The following PICALM variants were observed in gnomAD, a reference collection of about 807,000 sequenced individuals.
PICALM encodes phosphatidylinositol binding clathrin assembly protein, also known as phosphatidylinositol-binding clathrin assembly protein.
Under a neutral mutation model 80.5 loss-of-function variants are expected in PICALM, and 40 were observed. The ratio of observed to expected loss-of-function variants is 0.50; its 90% confidence interval spans 0.39 to 0.65. PICALM has a LOEUF of 0.65. PICALM is among the 30% of genes least tolerant of loss of function. The pLI is 0.00. For missense variants in PICALM, 676 were observed against 778.9 expected (o/e 0.87, Z 1.57); for synonymous variants, 288 against 260.3 (o/e 1.11, Z -1.02).
chr11:86,051,390 G>A (rs1158484097), intron 1 of PICALM, among the ~76,000 whole-genome samples: 7 of 152,164 alleles, frequency 4.6e-5, no homozygotes, highest in African/African-American at 1.4e-4. Context: ...AGATAAAGTG[G>A]TGGCTCACTC....
chr11:85,960,831 G>T, intron 19 of PICALM: 1 of 770,122 alleles, frequency 1.3e-6, no homozygotes, highest in Non-Finnish European at 1.8e-6. Flanking sequence ...CAGAATGACA[G>T]AACATGAAAG....
intron 19 of PICALM, among the ~76,000 whole-genome samples, chr11:85,959,560 G>A (rs1411929133): frequency 1.3e-5 from 2 of 150,584 alleles, no homozygotes; most frequent in Non-Finnish European, 3.0e-5. Flanking sequence ...TTGAACCCAG[G>A]AGGTGGAGGT....
chr11:85,975,375 A>G (rs867545944), intron 18 of PICALM, among the ~76,000 whole-genome samples: 2 of 152,264 alleles, frequency 1.3e-5, no homozygotes, highest in Middle Eastern at 3.4e-3. Flanking sequence ...ATCTCAACCA[A>G]ATATGTTTCT....
At chr11:86,068,336 G>C (rs1433101422) in intron 1 of PICALM, among the ~76,000 whole-genome samples, 3 of 152,192 alleles carry the variant, frequency 2.0e-5, no homozygotes, top group African/African-American at 7.2e-5. Flanking sequence ...AGACGGGTAG[G>C]GGGTGAGAAG....
intron 1 of PICALM, among the ~76,000 whole-genome samples, chr11:86,056,946 C>A (rs372639439): frequency 6.6e-6 from 1 of 152,072 alleles, no homozygotes; most frequent in Non-Finnish European, 1.5e-5. Flanking sequence ...TCCATTAATA[C>A]GAAATGTACA....
Position 86,044,782 on chromosome 11 carries a change from G to A in PICALM, c.131-13171C>T, listed in dbSNP as rs567266049. On this transcript the variant is annotated intron_variant, in intron 1 of 19. Coordinates refer to ENST00000393346, the MANE Select transcript of PICALM (RefSeq NM_007166.4). ...AGGGGCATTAGATTCTCATAGGAGC[G>A]CGACCCCTATTGTGAACTGCACATG... is the stretch of plus-strand genomic sequence containing the variant. Among the ~76,000 whole-genome samples the A allele has an allele frequency of 2.2e-4, 33 of 152,268 alleles. No individual in the cohort carries two copies. In the South Asian group the frequency reaches 3.7e-3, roughly 17 times the overall value.
chr11:86,029,581 T>A (rs1324655305), intron 2 of PICALM, among the ~76,000 whole-genome samples: 3 of 152,222 alleles, frequency 2.0e-5, no homozygotes, highest in Non-Finnish European at 4.4e-5. Flanking sequence ...TTGTCTTTAT[T>A]AACATTTTGC....
chr11:86,047,778 G>A lies in PICALM; in HGVS notation c.131-16167C>T, dbSNP rs149722760. On this transcript the variant is annotated intron_variant, in intron 1 of 19. Transcript: ENST00000393346. ...ATTAAGTCTATAAGCCCAAGGACAG[G>A]AAGCAACTTATTAGTAAGTTTCTCT... Among the ~76,000 whole-genome samples the A allele has an allele frequency of 4.5e-3, 681 of 152,230 alleles. 3 individuals carry two copies. The highest frequency in any genetic ancestry group is 0.016 in the African/African-American group (655 of 41,544).
chr11:86,038,807 A>G (rs1422826801), intron 1 of PICALM, among the ~76,000 whole-genome samples: 1 of 151,674 alleles, frequency 6.6e-6, no homozygotes, highest in Non-Finnish European at 1.5e-5. Context: ...TCAAAGTCCT[A>G]TCTTAACGTT....
chr11:85,977,953 C>G, intron 17 of PICALM: 1 of 777,170 alleles, frequency 1.3e-6, no homozygotes, highest in South Asian at 1.5e-5. Context: ...GAATTTCTGG[C>G]ACATTGAAAA....
At chr11:86,033,379 T>G (rs1488321890) in intron 1 of PICALM, among the ~76,000 whole-genome samples, 1 of 151,910 alleles carries the variant, frequency 6.6e-6, no homozygotes, top group Non-Finnish European at 1.5e-5. Flanking sequence ...TTCCCCCCAC[T>G]GCATCACTGC....
rs1455498052 is a variant in PICALM, at chr11:85,996,827, T to TC, written c.1256dup (p.Asp420ArgfsTer11). 6.5e-7 allele frequency: 1 copy of TC among 1,549,956 alleles called. No individual in the cohort carries two copies. Among genetic ancestry groups the TC allele is most frequent in the Non-Finnish European group, 8.9e-7 (1 of 1,122,600 alleles). On this transcript the variant is annotated frameshift_variant and splice_region_variant, in exon 12 of 20. Coordinates refer to ENST00000393346, the MANE Select transcript of PICALM (RefSeq NM_007166.4). LOFTEE classifies it high-confidence loss of function. Reference sequence around the variant, plus strand: ...AAAATAGAATTCATCAATGCTTACCTCCCCATGTACTTGCTACCTGAGAAG... The same window carrying TC: ...AAAATAGAATTCATCAATGCTTACCTCCCCCATGTACTTGCTACCTGAGAAG...
intron 1 of PICALM, among the ~76,000 whole-genome samples, chr11:86,060,011 C>G (rs1158995821): frequency 2.6e-5 from 4 of 152,170 alleles, no homozygotes; most frequent in African/African-American, 7.2e-5. Context: ...ACTGAACACT[C>G]CTTCCAATCT....
rs188389190 is a variant in PICALM, at chr11:86,013,247, G to A, written c.547-855C>T. On this transcript the variant is annotated intron_variant, in intron 5 of 19. Transcript: ENST00000393346. ...GGAGGATTGCTTGAGCCCAGGAGTTGGAGGCTGCAATGAGCTATGATCATG... is the reference window on the plus strand; with the variant it reads ...GGAGGATTGCTTGAGCCCAGGAGTTAGAGGCTGCAATGAGCTATGATCATG... Among the ~76,000 whole-genome samples the A allele has an allele frequency of 5.3e-4, 80 of 152,108 alleles. 1 individual carries two copies. Among genetic ancestry groups the A allele is most frequent in the African/African-American group, 1.8e-3 (76 of 41,484 alleles).
rs141512502 is a variant in PICALM, at chr11:85,991,847, C to T, written c.1259-1448G>A. Among the ~76,000 whole-genome samples the T allele has an allele frequency of 2.8e-3, 433 of 152,130 alleles. 4 individuals are homozygous for T. Among genetic ancestry groups the T allele is most frequent in the African/African-American group, 9.9e-3 (410 of 41,516 alleles). On this transcript the variant is annotated intron_variant, in intron 12 of 19. Transcript: ENST00000393346. Reference sequence around the variant, plus strand: ...AGTTACAAGAAGTTGCAGGGGGGCACGGTGGGTTTTTTTGTTTTCTTCTTT... The same window carrying T: ...AGTTACAAGAAGTTGCAGGGGGGCATGGTGGGTTTTTTTGTTTTCTTCTTT...
At chr11:86,011,713 CAG>C (rs932016484) in intron 6 of PICALM, among the ~76,000 whole-genome samples, 3 of 152,062 alleles carry the variant, frequency 2.0e-5, no homozygotes, top group African/African-American at 7.2e-5. Flanking sequence ...CTATAAAAAA[CAG>C]ATTTAAATTT....
At chr11:85,982,927 G>C (rs1463753172) in intron 14 of PICALM, among the ~76,000 whole-genome samples, 1 of 152,138 alleles carries the variant, frequency 6.6e-6, no homozygotes, top group Non-Finnish European at 1.5e-5. Context: ...TCAATAGTAT[G>C]ATCTAGGAAT....
intron 17 of PICALM, among the ~76,000 whole-genome samples, chr11:85,977,434 T>C (rs932406277): frequency 3.3e-5 from 5 of 152,216 alleles, no homozygotes; most frequent in Admixed American, 6.5e-5. Flanking sequence ...TTAGATATAG[T>C]TGCTGTCTTA....
intron 14 of PICALM, among the ~76,000 whole-genome samples, chr11:85,982,591 C>A (rs891226372): frequency 2.1e-5 from 3 of 144,748 alleles, no homozygotes; most frequent in African/African-American, 7.8e-5. Flanking sequence ...CCGCGCCCAG[C>A]TAATTTTTTG....
Sources: allele counts gnomAD v4.1 joint callset (sites outside exome capture counted in the v4.1 genomes callset), GRCh38; gene constraint gnomAD v4.1.1; transcripts MANE v1.5; gene names NCBI Gene and HGNC (gene_info 2026-07-23, HGNC 2026-07-21).